UGT1A8: variants seen among roughly 807,000 people sequenced by gnomAD.
UGT1A8 encodes UDP glucuronosyltransferase family 1 member A8.
In UGT1A8, 39 loss-of-function variants were observed where a neutral mutation model predicts 45.3. That is an observed-to-expected ratio of 0.86 (90% CI 0.67 to 1.12). UGT1A8 has a LOEUF of 1.12. Ranked by LOEUF, UGT1A8 falls within the 50% of genes most tolerant of loss-of-function variation. The probability of loss-of-function intolerance (pLI) is 0.00; values close to 1 mark genes in which losing one functional copy is unlikely to be tolerated. For synonymous variants in UGT1A8, 275 were observed against 249.2 expected (o/e 1.10, Z -0.97); for missense variants, 719 against 664.9 (o/e 1.08, Z -0.90).
chr2:233,649,107 A>C (rs2073675644), intron 1 of UGT1A8: 1 of 788,358 alleles, frequency 1.3e-6, no homozygotes, highest in African/African-American at 1.8e-5. Flanking sequence ...CTGGGATTTG[A>C]CATTTGTGTT....
chr2:233,769,535 A>C lies in UGT1A8; in HGVS notation c.1295+1096A>C, dbSNP rs573901660. 3.1e-6 allele frequency: 5 copies of C among 1,612,920 alleles called. No homozygotes were observed. The highest frequency in any genetic ancestry group is 1.7e-5 in the Admixed American group (1 of 60,014). ...TCCCATGGTTACCTCCTTTAGAAAG[A>C]AGCAGCAGTCAGGAAGACAGATGTG... On this transcript the variant is annotated intron_variant, in intron 4 of 4. Coordinates refer to ENST00000373450, the MANE Select transcript of UGT1A8 (RefSeq NM_019076.5). The surrounding 1 kb of genome is among the most constrained non-coding windows in gnomAD (Gnocchi z 4.4).
At chr2:233,632,574 G>A (rs1435140001) in intron 1 of UGT1A8, among the ~76,000 whole-genome samples, 1 of 152,062 alleles carries the variant, frequency 6.6e-6, no homozygotes, top group Admixed American at 6.6e-5. Context: ...TGTATTCCTA[G>A]GTATTTTATT....
chr2:233,741,884 A>C (rs1310090539), intron 1 of UGT1A8: 1 of 151,868 alleles, frequency 6.6e-6, no homozygotes, highest in South Asian at 2.1e-4. Flanking sequence ...AGGTGACCCT[A>C]GAAGAAGGGA....
At chr2:233,719,052 A>C (rs200903552) in intron 1 of UGT1A8, 5 of 1,614,270 alleles carry the variant, frequency 3.1e-6, no homozygotes, top group Non-Finnish European at 4.2e-6. Context: ...TTTCACCCTG[A>C]CAGCCTATGC....
chr2:233,711,161 T>C (rs2076166477), intron 1 of UGT1A8, among the ~76,000 whole-genome samples: 4 of 152,226 alleles, frequency 2.6e-5, no homozygotes, highest in African/African-American at 4.8e-5. Context: ...TCCTATTTCC[T>C]GGGCACCAGG....
intron 1 of UGT1A8, chr2:233,692,794 A>G: frequency 7.3e-7 from 1 of 1,378,838 alleles, no homozygotes; most frequent in Non-Finnish European, 9.4e-7. Context: ...GTGAAAGCTG[A>G]CACGGCCATA....
At chr2:233,689,504 G>T (rs1172827184) in intron 1 of UGT1A8, among the ~76,000 whole-genome samples, 1 of 152,202 alleles carries the variant, frequency 6.6e-6, no homozygotes, top group Non-Finnish European at 1.5e-5. Context: ...ATACGCAGAG[G>T]TTACACATTG....
At chr2:233,747,222 A>G (rs2125883623) in intron 1 of UGT1A8, 4 of 1,605,292 alleles carry the variant, frequency 2.5e-6, no homozygotes, top group Middle Eastern at 4.1e-4. Flanking sequence ...AGATGGCCAC[A>G]GGACCCCAGG....
intron 1 of UGT1A8, among the ~76,000 whole-genome samples, chr2:233,639,318 C>A (rs995960728): frequency 1.3e-5 from 2 of 151,948 alleles, no homozygotes; most frequent in African/African-American, 2.4e-5. Context: ...TATGATTATA[C>A]CTGTAAAGGC....
intron 1 of UGT1A8, among the ~76,000 whole-genome samples, chr2:233,626,568 A>G (rs1227070050): frequency 1.3e-5 from 2 of 152,096 alleles, no homozygotes; most frequent in Non-Finnish European, 2.9e-5. Context: ...AGTTTTCTCC[A>G]GAAGAAATGA....
intron 1 of UGT1A8, among the ~76,000 whole-genome samples, chr2:233,639,745 A>C (rs1452989090): frequency 6.6e-6 from 1 of 152,196 alleles, no homozygotes; most frequent in Admixed American, 6.5e-5. Flanking sequence ...TTTAACAATG[A>C]TGGCAGATGG....
At chr2:233,693,296 C>T (rs774620598) in intron 1 of UGT1A8, 2 of 1,614,126 alleles carry the variant, frequency 1.2e-6, no homozygotes, top group Admixed American at 3.3e-5. Context: ...TGGAAACAAT[C>T]ACTTTGCTGA....
intron 1 of UGT1A8, chr2:233,729,291 C>A (rs370316255): frequency 1.9e-5 from 30 of 1,614,090 alleles, no homozygotes; most frequent in African/African-American, 2.7e-5. Context: ...ATGCCAGAGG[C>A]CACCAGGCAG....
intron 1 of UGT1A8, among the ~76,000 whole-genome samples, chr2:233,732,631 T>C (rs1341811470): frequency 6.6e-6 from 1 of 152,240 alleles, no homozygotes; most frequent in Non-Finnish European, 1.5e-5. Context: ...TGTGGTGTTA[T>C]TTCTGAGACC....
At chr2:233,760,858 T>C (rs1196570380) in intron 1 of UGT1A8, 1 of 1,614,090 alleles carries the variant, frequency 6.2e-7, no homozygotes, top group Non-Finnish European at 8.5e-7. Flanking sequence ...CAACCCATTC[T>C]CCTACGTGCC....
chr2:233,667,680 T>C lies in UGT1A8; in HGVS notation c.855+49118T>C, dbSNP rs549388048. Among the ~76,000 whole-genome samples, 3 of 152,162 alleles carry C rather than the reference T, an allele frequency of 2.0e-5. No homozygotes were observed. In the South Asian group the frequency reaches 6.2e-4, roughly 32 times the overall value. On this transcript the variant is annotated intron_variant, in intron 1 of 4. Coordinates refer to ENST00000373450, the MANE Select transcript of UGT1A8 (RefSeq NM_019076.5). ...AATCTACAATGAACTCAGACAAATT[T>C]ACAAGAAAAAATCAAACAGCCCCAT...
At chr2:233,719,813 A>G in intron 1 of UGT1A8, 1 of 1,586,286 alleles carries the variant, frequency 6.3e-7, no homozygotes, top group Non-Finnish European at 8.6e-7. Context: ...TCTTTATAAC[A>G]GATAAACTGT....
chr2:233,654,157 T>G (rs1451829825), intron 1 of UGT1A8, among the ~76,000 whole-genome samples: 1 of 152,170 alleles, frequency 6.6e-6, no homozygotes, highest in African/African-American at 2.4e-5. Context: ...GCTGACAATT[T>G]AACCTTGTGA....
At chr2:233,648,368 A>G in intron 1 of UGT1A8, 1 of 393,340 alleles carries the variant, frequency 2.5e-6, no homozygotes, top group South Asian at 2.8e-5. Context: ...TACCTTGAAG[A>G]AGGTGCACAG....
Sources: allele counts gnomAD v4.1 joint callset (sites outside exome capture counted in the v4.1 genomes callset), GRCh38; gene constraint gnomAD v4.1.1; non-coding constraint Gnocchi (gnomAD v3.1); transcripts MANE v1.5; gene names NCBI Gene and HGNC (gene_info 2026-07-23, HGNC 2026-07-21).